DCC: variants seen among roughly 807,000 people sequenced by gnomAD.
The protein encoded by DCC is DCC netrin 1 receptor.
DCC carries 58 observed loss-of-function variants against 172.5 expected under a neutral mutation model. That is an observed-to-expected ratio of 0.34 (90% CI 0.27 to 0.42). DCC has a LOEUF of 0.42. Among genes scored for constraint, DCC ranks in the 10% least tolerant of loss-of-function variants. DCC has a pLI of 1.00. For missense variants in DCC, 1,740 were observed against 1,791.0 expected (o/e 0.97, Z 0.51); for synonymous variants, 709 against 644.5 (o/e 1.10, Z -1.52).
At chr18:52,851,822 G>A (rs75510319) in intron 2 of DCC, among the ~76,000 whole-genome samples, 1 of 151,976 alleles carries the variant, frequency 6.6e-6, no homozygotes, top group African/African-American at 2.4e-5. Flanking sequence ...CAAAATTATG[G>A]ACAAGGATAT....
intron 28 of DCC, 64 bp downstream of exon 28, chr18:53,526,823 A>C: frequency 6.4e-7 from 1 of 1,571,100 alleles, no homozygotes; most frequent in Non-Finnish European, 8.7e-7. Context: ...GTGTAATAGC[A>C]TCTAAACCAA....
chr18:52,782,137 G>T (rs550523964), intron 2 of DCC, among the ~76,000 whole-genome samples: 1 of 152,180 alleles, frequency 6.6e-6, no homozygotes, highest in Admixed American at 6.5e-5. Context: ...TAAGCACAAA[G>T]GTGCTTCCTA....
At chr18:53,394,826 G>C (rs905704946) in intron 17 of DCC, among the ~76,000 whole-genome samples, 1 of 152,064 alleles carries the variant, frequency 6.6e-6, no homozygotes, top group Admixed American at 6.5e-5. Context: ...TGCTATGGTC[G>C]TCTCCATTTT....
At chr18:52,439,480 C>A (rs542534720) in intron 1 of DCC, among the ~76,000 whole-genome samples, 4 of 152,146 alleles carry the variant, frequency 2.6e-5, no homozygotes, top group African/African-American at 9.6e-5. Flanking sequence ...GCTGACCTTG[C>A]CTCTGTGCTC....
At position 52,340,690 on chromosome 18, in the gene DCC, C is replaced by G. The variant is rs1221692084; in HGVS notation, c.-98C>G. ...GGAGGAGGAGGAAGCCGAAGGGGCT[C>G]GGCGCGTGTGTGTGCATGTGTGCAT... On this transcript the variant is annotated 5_prime_UTR_variant, in exon 1 of 29. Coordinates refer to ENST00000442544, the MANE Select transcript of DCC (RefSeq NM_005215.4). 5.7e-6 allele frequency: 5 copies of G among 879,378 alleles called. No individual in the cohort carries two copies. Among genetic ancestry groups the G allele is most frequent in the Non-Finnish European group, 9.8e-6 (5 of 511,682 alleles). 54.5% of individuals were successfully genotyped at this position (879,378 alleles called of 1,614,324 possible). A position where few individuals can be genotyped will look rare whatever the true frequency, so the allele number is the denominator to read the frequency against.
intron 1 of DCC, among the ~76,000 whole-genome samples, chr18:52,510,289 G>A (rs2031387785): frequency 6.6e-6 from 1 of 152,146 alleles, no homozygotes; most frequent in Admixed American, 6.5e-5. Context: ...TCATTGGCTA[G>A]CACTCTCCCA....
intron 2 of DCC, among the ~76,000 whole-genome samples, chr18:52,846,310 C>T (rs9956515): frequency 6.6e-6 from 1 of 151,756 alleles, no homozygotes; most frequent in Non-Finnish European, 1.5e-5. Flanking sequence ...GGGAAGCTGA[C>T]GCAGGCAGAT....
intron 2 of DCC, among the ~76,000 whole-genome samples, chr18:52,874,545 T>A (rs1262673058): frequency 6.6e-6 from 1 of 152,230 alleles, no homozygotes; most frequent in Non-Finnish European, 1.5e-5. Flanking sequence ...CCAAAAGTTT[T>A]CAGGTTTAAT....
At chr18:53,425,488 T>A (rs1910874093) in intron 21 of DCC, among the ~76,000 whole-genome samples, 1 of 150,288 alleles carries the variant, frequency 6.7e-6, no homozygotes, top group Non-Finnish European at 1.5e-5. Context: ...GCCTCCCGAG[T>A]AGATGGGATT....
At chr18:52,919,703 A>G (rs990775826) in intron 3 of DCC, among the ~76,000 whole-genome samples, 1 of 152,050 alleles carries the variant, frequency 6.6e-6, no homozygotes. Context: ...AAGATTAAAT[A>G]TTGGTAAGTA....
chr18:52,656,610 A>G (rs1288748416), intron 1 of DCC, among the ~76,000 whole-genome samples: 1 of 152,186 alleles, frequency 6.6e-6, no homozygotes, highest in South Asian at 2.1e-4. Flanking sequence ...GTGGTATCCC[A>G]TGCTACGCTC....
In DCC at chr18:53,047,363, T is replaced by G. The variant is rs1279706450; in HGVS notation, c.986-15942T>G. On this transcript the variant is annotated intron_variant, in intron 5 of 28. Transcript: ENST00000442544. ...AATAATATGAAATACATATTATACA[T>G]AAAATAATATATACTTTATATATTA... Among the ~76,000 whole-genome samples, 222 of 119,592 alleles carry G rather than the reference T, an allele frequency of 1.9e-3. 2 individuals are homozygous for G. Among genetic ancestry groups the G allele is most frequent in the Non-Finnish European group, 2.9e-3 (172 of 58,422 alleles). The allele number at this position is 119,592 out of a possible 152,430, so 78.5% of individuals were successfully genotyped here. A position where few individuals can be genotyped will look rare whatever the true frequency, so the allele number is the denominator to read the frequency against.
chr18:52,405,162 C>T (rs982786160), intron 1 of DCC, among the ~76,000 whole-genome samples: 4 of 150,408 alleles, frequency 2.7e-5, no homozygotes, highest in Non-Finnish European at 4.4e-5. Flanking sequence ...ATTTATAGTC[C>T]TTTGGGTATA....
intron 2 of DCC, among the ~76,000 whole-genome samples, chr18:52,834,909 A>C (rs1343834413): frequency 6.6e-6 from 1 of 151,154 alleles, no homozygotes; most frequent in Non-Finnish European, 1.5e-5. Context: ...TGCATACACT[A>C]TATATGTATA....
chr18:52,702,809 G>A (rs1318853855), intron 1 of DCC, among the ~76,000 whole-genome samples: 1 of 151,996 alleles, frequency 6.6e-6, no homozygotes, highest in Non-Finnish European at 1.5e-5. Flanking sequence ...ATATTCAAAT[G>A]TTTATCTGGA....
chr18:52,719,279 T>C (rs746469777), intron 1 of DCC, among the ~76,000 whole-genome samples: 1 of 152,092 alleles, frequency 6.6e-6, no homozygotes, highest in Non-Finnish European at 1.5e-5. Context: ...TCCAGGAGGA[T>C]ATAATTTGGG....
chr18:52,340,316 T>A lies in DCC; in HGVS notation c.-472T>A, dbSNP rs1983565542. The A allele has an allele frequency of 5.1e-6, 1 of 194,612 alleles. No individual in the cohort carries two copies. 12.1% of individuals were successfully genotyped at this position (194,612 alleles called of 1,614,324 possible). A position where few individuals can be genotyped will look rare whatever the true frequency, so the allele number is the denominator to read the frequency against. On this transcript the variant is annotated 5_prime_UTR_variant, in exon 1 of 29. Transcript: ENST00000442544. ...GAAAAACCAACAGCATCTCCAGCTC[T>A]CGCGCGGAATTGTCTCTTCAACTTT...
intron 2 of DCC, among the ~76,000 whole-genome samples, chr18:52,798,153 G>C (rs537044157): frequency 5.3e-5 from 8 of 151,556 alleles, no homozygotes; most frequent in Non-Finnish European, 1.0e-4. Context: ...TATCAGATAG[G>C]GTCTGTCAAT....
chr18:53,107,332 A>C (rs2043263934), intron 7 of DCC, among the ~76,000 whole-genome samples: 1 of 151,874 alleles, frequency 6.6e-6, no homozygotes, highest in African/African-American at 2.4e-5. Context: ...ATGTGATAGA[A>C]GTAGATCCTT....
Sources: allele counts gnomAD v4.1 joint callset (sites outside exome capture counted in the v4.1 genomes callset), GRCh38; gene constraint gnomAD v4.1.1; transcripts MANE v1.5; gene names NCBI Gene and HGNC (gene_info 2026-07-23, HGNC 2026-07-21).